The following RGS6 variants were observed in gnomAD, a reference collection of about 807,000 sequenced individuals.
The protein encoded by RGS6 is regulator of G-protein signaling 6.
RGS6 carries 30 observed loss-of-function variants against 78.5 expected under a neutral mutation model. That is an observed-to-expected ratio of 0.38 (90% CI 0.29 to 0.52). The LOEUF is 0.52. Among genes scored for constraint, RGS6 ranks in the 20% least tolerant of loss-of-function variants. RGS6 has a pLI of 0.85. For synonymous variants in RGS6, 206 were observed against 206.0 expected, an observed-to-expected ratio of 1.00 and a Z score of 0.00; for missense variants, 495 against 609.7, an observed-to-expected ratio of 0.81 and a Z score of 1.98.
At chr14:72,585,899 G>A in the RGS6 span, among the ~76,000 whole-genome samples, 2 of 152,188 alleles carry the variant, frequency 1.3e-5, no homozygotes, top group Non-Finnish European at 2.9e-5. Flanking sequence ...CCTGGATAGA[G>A]TCTTCAATCT....
intron 2 of RGS6, among the ~76,000 whole-genome samples, chr14:72,025,547 T>C (rs2089672046): frequency 6.6e-6 from 1 of 151,916 alleles, no homozygotes; most frequent in African/African-American, 2.4e-5. Context: ...AGATAGGGGA[T>C]TTCGGGTGGG....
chr14:72,628,625 A>G, the RGS6 span, among the ~76,000 whole-genome samples: 9 of 152,032 alleles, frequency 5.9e-5, no homozygotes, highest in African/African-American at 2.2e-4. Context: ...TCTATGAAGT[A>G]GTCTTGCCAA....
chr14:72,235,482 A>G (rs2050770157), intron 2 of RGS6, among the ~76,000 whole-genome samples: 1 of 152,230 alleles, frequency 6.6e-6, no homozygotes, highest in African/African-American at 2.4e-5. Flanking sequence ...TGTTTTAAAT[A>G]TCTTTATAGA....
intron 2 of RGS6, among the ~76,000 whole-genome samples, chr14:72,174,011 C>T (rs764118582): frequency 2.0e-5 from 3 of 152,076 alleles, no homozygotes; most frequent in East Asian, 1.9e-4. Context: ...TCCGAGTATG[C>T]GGTAAGGGGG....
intron 2 of RGS6, among the ~76,000 whole-genome samples, chr14:72,241,736 T>C (rs1415983884): frequency 6.6e-6 from 1 of 152,252 alleles, no homozygotes; most frequent in Non-Finnish European, 1.5e-5. Context: ...AGAGTACCTC[T>C]AATTATCTAT....
Position 72,562,823 on chromosome 14 carries a change from C to T in RGS6, c.*356C>T. Reference sequence around the variant, plus strand: ...TATCACTTGAGATTATATTATTATCCTCACTCCCTCGCTGTCTGGAGACGG... The same window carrying T: ...TATCACTTGAGATTATATTATTATCTTCACTCCCTCGCTGTCTGGAGACGG... On this transcript the variant is annotated 3_prime_UTR_variant, in exon 18 of 18. Transcript: ENST00000553525. 7.3e-7 allele frequency: 1 copy of T among 1,368,532 alleles called. No individual in the cohort carries two copies. The highest frequency in any genetic ancestry group is 1.0e-6 in the Non-Finnish European group (1 of 994,258). The allele number at this position is 1,368,532 out of a possible 1,614,324, so 84.8% of individuals were successfully genotyped here. A position where few individuals can be genotyped will look rare whatever the true frequency, so the allele number is the denominator to read the frequency against.
At chr14:71,869,481 G>A in the RGS6 span, among the ~76,000 whole-genome samples, 2 of 152,170 alleles carry the variant, frequency 1.3e-5, no homozygotes, top group Non-Finnish European at 2.9e-5. Flanking sequence ...GTAATTGGGG[G>A]AAACAAAATT....
chr14:72,069,919 G>A (rs918463013), intron 2 of RGS6, among the ~76,000 whole-genome samples: 2 of 152,124 alleles, frequency 1.3e-5, no homozygotes, highest in African/African-American at 4.8e-5. Context: ...TGCTTACTAC[G>A]TATTTTTGCA....
chr14:72,182,404 G>A (rs1314431206), intron 2 of RGS6, among the ~76,000 whole-genome samples: 1 of 115,872 alleles, frequency 8.6e-6, no homozygotes, highest in Admixed American at 9.7e-5. Flanking sequence ...CGTGCCAAGA[G>A]AGACTCCATC....
intron 2 of RGS6, among the ~76,000 whole-genome samples, chr14:72,020,988 T>C (rs1287315955): frequency 3.9e-5 from 6 of 152,168 alleles, no homozygotes; most frequent in Non-Finnish European, 8.8e-5. Context: ...TCCAAGGAAG[T>C]GGAGGAGCAA....
chr14:72,145,838 G>A (rs2096600089), intron 2 of RGS6, among the ~76,000 whole-genome samples: 1 of 152,230 alleles, frequency 6.6e-6, no homozygotes, highest in Admixed American at 6.5e-5. Flanking sequence ...TAAATGACAG[G>A]AGATGTATAG....
At chr14:72,596,993 C>G in the RGS6 span, among the ~76,000 whole-genome samples, 2 of 152,212 alleles carry the variant, frequency 1.3e-5, no homozygotes, top group Admixed American at 6.5e-5. Flanking sequence ...AATCCCAACA[C>G]TTTGGGATGC....
rs1161695556 is a variant in RGS6, at chr14:72,053,124, CCTTCCTTT to C, written c.84+88253_84+88260del. On this transcript the variant is annotated intron_variant, in intron 2 of 17. Transcript: ENST00000553525. ...TCCTTCCTTCCTTCCTTCCTTCCTTCCTTCCTTTCTTTTTTTGATGGAGTCTCGCTCTG... is the reference window on the plus strand; with the variant it reads ...TCCTTCCTTCCTTCCTTCCTTCCTTCCTTTTTTTGATGGAGTCTCGCTCTG... Among the ~76,000 whole-genome samples the C allele has an allele frequency of 3.1e-5, 3 of 95,954 alleles. 1 individual carries two copies. Among genetic ancestry groups the C allele is most frequent in the African/African-American group, 7.7e-5 (2 of 26,048 alleles). 62.9% of individuals were successfully genotyped at this position (95,954 alleles called of 152,430 possible).
chr14:72,391,509 C>T (rs939900579), intron 3 of RGS6, among the ~76,000 whole-genome samples: 1 of 152,188 alleles, frequency 6.6e-6, no homozygotes, highest in Non-Finnish European at 1.5e-5. Flanking sequence ...CCTGGCTAAG[C>T]TCCAAGCCTT....
intron 2 of RGS6, among the ~76,000 whole-genome samples, chr14:72,231,841 G>C (rs2049697972): frequency 6.6e-6 from 1 of 152,154 alleles, no homozygotes; most frequent in African/African-American, 2.4e-5. Context: ...GTGAGGAGGA[G>C]AGGGGTGGGG....
At chr14:71,886,016 C>G in the RGS6 span, among the ~76,000 whole-genome samples, 4 of 151,302 alleles carry the variant, frequency 2.6e-5, no homozygotes, top group African/African-American at 9.7e-5. Flanking sequence ...CTTTCCTTCT[C>G]TCCCTTGCTT....
Position 72,253,931 on chromosome 14 carries a change from C to G in RGS6, c.85-98164C>G, listed in dbSNP as rs886067145. ...TCTGGCATTACGTTTCGGGGCACCACCTCTGCTCACTGCCATCCCAGGGCA... is the reference window on the plus strand; with the variant it reads ...TCTGGCATTACGTTTCGGGGCACCAGCTCTGCTCACTGCCATCCCAGGGCA... On this transcript the variant is annotated intron_variant, in intron 2 of 17. Transcript: ENST00000553525. 2.0e-5 allele frequency among the ~76,000 whole-genome samples: 3 copies of G among 152,342 alleles called. No individual in the cohort carries two copies. In the East Asian group the frequency reaches 5.8e-4, roughly 29 times the overall value.
the RGS6 span, among the ~76,000 whole-genome samples, chr14:72,597,045 C>T: frequency 1.3e-5 from 2 of 152,084 alleles, no homozygotes; most frequent in African/African-American, 4.8e-5. Context: ...TCGAGACCAG[C>T]CTGGCCAACA....
intron 2 of RGS6, among the ~76,000 whole-genome samples, chr14:72,070,822 T>C (rs2094381665): frequency 6.6e-6 from 1 of 152,254 alleles, no homozygotes; most frequent in Admixed American, 6.5e-5. Flanking sequence ...CCAGCTTCAG[T>C]GCTTAACTTA....
Sources: allele counts gnomAD v4.1 joint callset (sites outside exome capture counted in the v4.1 genomes callset), GRCh38; gene constraint gnomAD v4.1.1; transcripts MANE v1.5; gene names NCBI Gene and HGNC (gene_info 2026-07-23, HGNC 2026-07-21).